Variants in TRPM3 observed in about 807,000 individuals in gnomAD.
TRPM3 encodes transient receptor potential cation channel subfamily M member 3.
In TRPM3, 77 loss-of-function variants were observed where a neutral mutation model predicts 181.2. The ratio of observed to expected loss-of-function variants is 0.42; its 90% CI spans 0.35 to 0.51. TRPM3 has a LOEUF of 0.51. Ranked by LOEUF, TRPM3 falls within the 20% of genes least tolerant of loss-of-function variation. The pLI is 0.01. For missense variants in TRPM3, 1,759 were observed against 2,196.7 expected (o/e 0.80, Z 3.98); for synonymous variants, 745 against 796.4 (o/e 0.94, Z 1.09).
chr9:70,805,607 G>GCAAAT (rs2090519901), intron 6 of TRPM3, among the ~76,000 whole-genome samples: 1 of 150,104 alleles, frequency 6.7e-6, no homozygotes, highest in African/African-American at 2.4e-5. Context: ...TTGGAATTGG[G>GCAAAT]TTTATTTGAA....
intron 1 of TRPM3, among the ~76,000 whole-genome samples, chr9:71,191,206 G>T (rs143772861): frequency 6.6e-6 from 1 of 151,832 alleles, no homozygotes. Flanking sequence ...GAATGGGTCT[G>T]TAATTTCTGA....
rs571754050 is a variant in TRPM3 at position 71,414,128 on chromosome 9, C to A, written c.183+32525G>T. ...GTGCCATTCTTCATAATGCTTATGGCAGCTATAACCTTTCTCTCTCACAAG... is the reference window on the plus strand; with the variant it reads ...GTGCCATTCTTCATAATGCTTATGGAAGCTATAACCTTTCTCTCTCACAAG... On this transcript the variant is annotated intron_variant, in intron 1 of 24. Transcript: ENST00000357533. 3.3e-5 allele frequency among the ~76,000 whole-genome samples: 5 copies of A among 152,208 alleles called. No homozygotes were observed. The East Asian group carries it at 9.6e-4, about 29-fold the overall frequency.
rs760385630 is a variant in TRPM3 at position 70,598,614 on chromosome 9, C to T, written c.2853G>A (p.Glu951=). ...LLQKVKVWLQ[E]YWNVTDLIAI... ...CGATGAGGTCCGTGACATTCCAGTA[C>T]TCCTGCAGCCATACCTTCACTTTCT... Residue 951 remains glutamate (E), a synonymous_variant, in exon 21 of 26, where the codon GAG becomes GAA. Transcript: ENST00000677713. The T allele has an allele frequency of 7.1e-5, 114 of 1,614,208 alleles. No individual in the cohort carries two copies. The highest frequency in any genetic ancestry group is 9.6e-5 in the Non-Finnish European group (113 of 1,180,034).
In TRPM3 at chr9:70,620,137, G is replaced by A; in HGVS notation, c.2068C>T (p.His690Tyr). The A allele has an allele frequency of 6.2e-7, 1 of 1,614,018 alleles. No homozygotes were observed. Among genetic ancestry groups the A allele is most frequent in the Non-Finnish European group, 8.5e-7 (1 of 1,179,886 alleles). The change falls in exon 16 of 26, where the codon CAT becomes TAT. Residue 690 changes from histidine to tyrosine, a missense_variant. Coordinates refer to ENST00000677713, the MANE Select transcript of TRPM3 (RefSeq NM_001366145.2). ...VACKLCKAMAHEASENDMVDD... is the reference protein window; with the variant it reads ...VACKLCKAMAYEASENDMVDD... ...ACCATGTCGTTCTCAGAGGCCTCATGAGCCATGGCTTTGCAGAGCTTGCAG... is the reference window on the plus strand; with the variant it reads ...ACCATGTCGTTCTCAGAGGCCTCATAAGCCATGGCTTTGCAGAGCTTGCAG...
chr9:71,232,454 T>C (rs923468111), intron 1 of TRPM3, among the ~76,000 whole-genome samples: 1 of 150,840 alleles, frequency 6.6e-6, no homozygotes, highest in Non-Finnish European at 1.5e-5. Flanking sequence ...CACTCCCTGA[T>C]GCATACTCTA....
chr9:71,259,059 G>A (rs1015114009), intron 1 of TRPM3, among the ~76,000 whole-genome samples: 13 of 149,674 alleles, frequency 8.7e-5, no homozygotes, highest in South Asian at 2.1e-4. Context: ...CCCATCCCCC[G>A]ACAGGCCCCA....
In TRPM3 at chr9:70,553,326, C is replaced by T. The variant is rs775183240; in HGVS notation, c.3224-16G>A. On this transcript the variant is annotated splice_polypyrimidine_tract_variant and intron_variant, in intron 22 of 25. Transcript: ENST00000677713. ...CCACAGGGAGCTGGAGGGAGCAACA[C>T]ACACAAGAAATGAGAAACTGGCTAT... 21 of 1,612,818 alleles carry T rather than the reference C, an allele frequency of 1.3e-5. No homozygotes were observed. In the East Asian group the frequency reaches 4.7e-4, roughly 36 times the overall value.
At chr9:71,063,947 GGAAT>G (rs753907820) in intron 1 of TRPM3, among the ~76,000 whole-genome samples, 2 of 151,946 alleles carry the variant, frequency 1.3e-5, no homozygotes, top group Non-Finnish European at 2.9e-5. Flanking sequence ...CATGCCTATT[GGAAT>G]GAGTCAAATT....
chr9:70,858,441 A>G (rs1342708757), intron 3 of TRPM3, among the ~76,000 whole-genome samples: 1 of 152,182 alleles, frequency 6.6e-6, no homozygotes, highest in East Asian at 1.9e-4. Flanking sequence ...ATCCTGCCAG[A>G]TAAAATGAGA....
At chr9:71,097,095 G>C (rs2067427669) in intron 1 of TRPM3, among the ~76,000 whole-genome samples, 2 of 152,066 alleles carry the variant, frequency 1.3e-5, no homozygotes, top group African/African-American at 4.8e-5. Context: ...TTCATGGTTT[G>C]CTGTCAGAAA....
At chr9:70,831,066 G>A (rs1263272310) in intron 5 of TRPM3, among the ~76,000 whole-genome samples, 1 of 152,156 alleles carries the variant, frequency 6.6e-6, no homozygotes, top group Non-Finnish European at 1.5e-5. Context: ...GTCCTCCCAG[G>A]CATCTAAGAG....
At chr9:70,878,013 C>T (rs903734251) in intron 1 of TRPM3, among the ~76,000 whole-genome samples, 1 of 151,946 alleles carries the variant, frequency 6.6e-6, no homozygotes, top group Non-Finnish European at 1.5e-5. Flanking sequence ...TGCCACATGA[C>T]ACACTGATGT....
chr9:71,405,592 C>T (rs558722274), intron 1 of TRPM3, among the ~76,000 whole-genome samples: 3 of 152,252 alleles, frequency 2.0e-5, no homozygotes, highest in African/African-American at 7.2e-5. Flanking sequence ...GCTTAAACCA[C>T]TCTTGAAGCT....
chr9:71,113,492 G>A (rs899336284), intron 1 of TRPM3, among the ~76,000 whole-genome samples: 3 of 152,138 alleles, frequency 2.0e-5, no homozygotes, highest in African/African-American at 7.2e-5. Flanking sequence ...GACTTAATGT[G>A]CTTTCTCTGC....
At chr9:70,680,812 A>G (rs919928242) in intron 9 of TRPM3, among the ~76,000 whole-genome samples, 1 of 152,204 alleles carries the variant, frequency 6.6e-6, no homozygotes, top group Non-Finnish European at 1.5e-5. Flanking sequence ...TACTTAGTAA[A>G]GCACAGGAAG....
chr9:71,327,970 T>C (rs1386346274), intron 1 of TRPM3, among the ~76,000 whole-genome samples: 2 of 151,964 alleles, frequency 1.3e-5, no homozygotes, highest in East Asian at 3.9e-4. Context: ...ATTACTGGAC[T>C]GGGTTCATTT....
chr9:71,218,770 T>C (rs754472909), intron 1 of TRPM3, among the ~76,000 whole-genome samples: 5 of 152,230 alleles, frequency 3.3e-5, no homozygotes, highest in African/African-American at 4.8e-5. Flanking sequence ...TAATAAAGCA[T>C]AGCGATTTTT....
intron 22 of TRPM3, among the ~76,000 whole-genome samples, chr9:70,584,692 G>A (rs554494995): frequency 6.6e-6 from 1 of 152,282 alleles, no homozygotes; most frequent in African/African-American, 2.4e-5. Flanking sequence ...TTGCTTCTCA[G>A]GCTAGAAACC....
At chr9:71,397,616 A>C (rs1489226720) in intron 1 of TRPM3, among the ~76,000 whole-genome samples, 1 of 152,242 alleles carries the variant, frequency 6.6e-6, no homozygotes, top group Non-Finnish European at 1.5e-5. Context: ...AATGACAATG[A>C]ATTTAAATTC....
Sources: gnomAD v4.1 joint callset for allele counts (sites outside exome capture counted in the v4.1 genomes callset) on GRCh38, gnomAD v4.1.1 for gene constraint, MANE v1.5 for transcripts, NCBI Gene and HGNC (gene_info 2026-07-23, HGNC 2026-07-21) for gene names.